STAU2: variants seen among roughly 807,000 people sequenced by gnomAD.
The protein encoded by STAU2 is staufen double-stranded RNA binding protein 2.
In STAU2, 20 loss-of-function variants were observed where a neutral mutation model predicts 65.9. That is an observed-to-expected ratio of 0.30 (90% CI 0.21 to 0.44). The LOEUF is 0.44. STAU2 is among the 20% of genes least tolerant of loss of function. STAU2 has a pLI of 1.00. For synonymous variants in STAU2, 232 were observed against 233.9 expected, an observed-to-expected ratio of 0.99 and a Z score of 0.07; for missense variants, 558 against 683.9, an observed-to-expected ratio of 0.82 and a Z score of 2.05.
At chr8:73,449,744 T>C (rs11989480) in intron 13 of STAU2, among the ~76,000 whole-genome samples, 9,673 of 152,246 alleles carry the variant, frequency 0.064, 650 homozygotes, top group African/African-American at 0.17. Context: ...AGCCCACCCC[T>C]TTCTTGTTAC....
intron 12 of STAU2, among the ~76,000 whole-genome samples, chr8:73,564,070 T>C (rs1221374554): frequency 2.0e-5 from 3 of 152,176 alleles, no homozygotes; most frequent in East Asian, 1.9e-4. Flanking sequence ...TAGTGCCACA[T>C]AGCTTAGTGC....
In STAU2 at chr8:73,613,970, G is replaced by A. The variant is rs1812650223; in HGVS notation, c.679-14C>T. On this transcript the variant is annotated splice_polypyrimidine_tract_variant and intron_variant, in intron 8 of 14. Coordinates refer to ENST00000524300, the MANE Select transcript of STAU2 (RefSeq NM_001164380.2). ...TTCTTTAATAACCTATTAAATACAA[G>A]TAAAATATTAAATAATGGATAGGCA... 2 of 1,563,500 alleles carry A rather than the reference G, an allele frequency of 1.3e-6. No individual in the cohort carries two copies. The highest frequency in any genetic ancestry group is 2.8e-5 in the African/African-American group (2 of 72,412).
chr8:73,468,832 T>C (rs76719285), intron 13 of STAU2, among the ~76,000 whole-genome samples: 118,872 of 152,066 alleles, frequency 0.78, 47,418 homozygotes, highest in East Asian at 0.96. Context: ...TGTGGAGAAA[T>C]AGGAACACTT....
chr8:73,733,454 CG>C (rs944380598), intron 3 of STAU2, among the ~76,000 whole-genome samples: 3 of 152,076 alleles, frequency 2.0e-5, no homozygotes, highest in African/African-American at 7.2e-5. Context: ...TTCCTTTTCC[CG>C]GGGGACCTAT....
intron 12 of STAU2, among the ~76,000 whole-genome samples, chr8:73,581,827 T>C (rs1242308670): frequency 2.0e-5 from 3 of 152,232 alleles, no homozygotes; most frequent in Non-Finnish European, 4.4e-5. Flanking sequence ...CTTATGAGCA[T>C]ACTTTGATAA....
intron 13 of STAU2, chr8:73,527,612 C>A (rs554195173): frequency 2.8e-6 from 3 of 1,053,340 alleles, no homozygotes; most frequent in Non-Finnish European, 4.2e-6. Context: ...GCTGCATGTG[C>A]GCACATAGCT....
chr8:73,594,645 T>G (rs1811055870), intron 11 of STAU2, among the ~76,000 whole-genome samples: 1 of 152,206 alleles, frequency 6.6e-6, no homozygotes, highest in South Asian at 2.1e-4. Flanking sequence ...TGTCATTAAC[T>G]GTTGCAGAAA....
chr8:73,615,575 C>G, intron 8 of STAU2, 100 bp downstream of exon 8: 1 of 833,278 alleles, frequency 1.2e-6, no homozygotes, highest in Admixed American at 2.0e-5. Flanking sequence ...TAGAAGCACA[C>G]TAACTCTTGC....
At chr8:73,430,380 G>A (rs919266918) in intron 13 of STAU2, among the ~76,000 whole-genome samples, 27 of 152,266 alleles carry the variant, frequency 1.8e-4, no homozygotes, top group African/African-American at 5.3e-4. Context: ...TCACAGGTAC[G>A]GACAGAACCC....
At chr8:73,436,341 C>G (rs2128886543) in intron 13 of STAU2, among the ~76,000 whole-genome samples, 1 of 151,766 alleles carries the variant, frequency 6.6e-6, no homozygotes, top group East Asian at 1.9e-4. Context: ...GGTGGCCATC[C>G]TAGTGGTGGG....
intron 6 of STAU2, among the ~76,000 whole-genome samples, chr8:73,637,580 A>G (rs1285269723): frequency 1.3e-5 from 2 of 151,746 alleles, no homozygotes; most frequent in African/African-American, 4.8e-5. Context: ...TGAAGGCAAA[A>G]TAAAGATGTT....
chr8:73,527,384 TG>T (rs1240414244), intron 13 of STAU2: 3 of 229,322 alleles, frequency 1.3e-5, no homozygotes, highest in Non-Finnish European at 2.7e-5. Flanking sequence ...ATTGTTTTGT[TG>T]ACCCTTCCTC....
At chr8:73,675,686 T>C (rs1817989253) in intron 5 of STAU2, 1 of 152,162 alleles carries the variant, frequency 6.6e-6, no homozygotes. Flanking sequence ...ATACTCTTCA[T>C]AAATATTATG....
intron 13 of STAU2, among the ~76,000 whole-genome samples, chr8:73,497,105 T>C (rs1032579944): frequency 2.6e-5 from 4 of 151,690 alleles, no homozygotes; most frequent in Non-Finnish European, 4.4e-5. Flanking sequence ...TTTTCTAACA[T>C]TGAACAATCA....
At chr8:73,586,504 A>G (rs1324459756) in intron 11 of STAU2, among the ~76,000 whole-genome samples, 1 of 152,104 alleles carries the variant, frequency 6.6e-6, no homozygotes, top group East Asian at 1.9e-4. Context: ...TCACCCTGCA[A>G]ATAAGGAGAT....
intron 13 of STAU2, chr8:73,549,610 A>G: frequency 1.0e-6 from 1 of 981,124 alleles, no homozygotes; most frequent in Non-Finnish European, 1.2e-6. Flanking sequence ...CTTTGTTTTC[A>G]ATACACTCAT....
intron 13 of STAU2, among the ~76,000 whole-genome samples, chr8:73,447,545 A>C (rs1276092985): frequency 6.6e-6 from 1 of 152,254 alleles, no homozygotes; most frequent in African/African-American, 2.4e-5. Flanking sequence ...CAAATACTAC[A>C]TCTATAAGAC....
chr8:73,552,441 A>G lies in STAU2; in HGVS notation c.1223-122T>C, dbSNP rs1807402076. ...AAGAAATGAGAAACACTGCCAAACA[A>G]GTATCTTTGTCATACTGTAGAGGCA... On this transcript the variant is annotated intron_variant, in intron 12 of 14. Coordinates refer to ENST00000524300, the MANE Select transcript of STAU2 (RefSeq NM_001164380.2). The G allele has an allele frequency of 2.6e-5, 22 of 854,654 alleles. 1 individual carries two copies. Among genetic ancestry groups the G allele is most frequent in the Middle Eastern group, 7.2e-4 (2 of 2,772 alleles). The allele number at this position is 854,654 out of a possible 1,614,324, so 52.9% of individuals were successfully genotyped here.
chr8:73,548,254 A>C (rs1807075402), intron 13 of STAU2, among the ~76,000 whole-genome samples: 1 of 139,296 alleles, frequency 7.2e-6, no homozygotes. Context: ...ACCTTATTCT[A>C]AAAAAAAAAA....
Sources: allele counts gnomAD v4.1 joint callset (sites outside exome capture counted in the v4.1 genomes callset), GRCh38; gene constraint gnomAD v4.1.1; transcripts MANE v1.5; gene names NCBI Gene and HGNC (gene_info 2026-07-23, HGNC 2026-07-21).